Variants in HOXA3 observed in about 807,000 individuals in gnomAD.
The protein encoded by HOXA3 is homeobox A3.
A neutral mutation model predicts 30.3 loss-of-function variants in HOXA3; 8 were observed. That is an observed-to-expected ratio of 0.26 (90% confidence interval 0.15 to 0.48). HOXA3 has a LOEUF of 0.48. Among genes scored for constraint, HOXA3 ranks in the 20% least tolerant of loss-of-function variants. The pLI is 0.99. For synonymous variants in HOXA3, 323 were observed against 273.1 expected, an observed-to-expected ratio of 1.18 and a Z score of -1.80; for missense variants, 653 against 614.4, an observed-to-expected ratio of 1.06 and a Z score of -0.66.
intron 2 of HOXA3, chr7:27,129,253 G>A (rs571546730): frequency 1.2e-6 from 2 of 1,602,746 alleles, no homozygotes; most frequent in South Asian, 1.1e-5. Flanking sequence ...GGGTGTGGAG[G>A]TGCTCGGGTG....
chr7:27,115,955 T>C (rs1393347613), intron 4 of HOXA3: 1 of 152,702 alleles, frequency 6.5e-6, no homozygotes, highest in Non-Finnish European at 1.5e-5. Context: ...TAATAATTTA[T>C]GCTGGCGGAA....
At chr7:27,147,374 C>A (rs1285459613) in intron 1 of HOXA3, 2 of 1,614,208 alleles carry the variant, frequency 1.2e-6, no homozygotes, top group South Asian at 1.1e-5. Context: ...TCGGCGCCTT[C>A]GTCATGGAGT....
At chr7:27,147,878 G>C (rs1302814050) in intron 1 of HOXA3, 1 of 869,544 alleles carries the variant, frequency 1.2e-6, no homozygotes, top group Non-Finnish European at 1.7e-6. Flanking sequence ...AATCGCACCA[G>C]CTGACGCGGC....
At chr7:27,148,997 G>T (rs1479497564) in intron 1 of HOXA3, among the ~76,000 whole-genome samples, 1 of 152,230 alleles carries the variant, frequency 6.6e-6, no homozygotes, top group Non-Finnish European at 1.5e-5. Context: ...CGCAGGGAGG[G>T]CTGCCGCCCC....
At chr7:27,121,214 TGTGTGC>T (rs1554337532) in intron 4 of HOXA3, 1,506 of 89,502 alleles carry the variant, frequency 0.017, 16 homozygotes, top group African/African-American at 0.04. Flanking sequence ...CTTAGCCCAC[TGTGTGC>T]GTGTGTGTGT....
intron 4 of HOXA3, chr7:27,116,220 C>T (rs561319563): frequency 4.6e-4 from 70 of 152,802 alleles, no homozygotes; most frequent in African/African-American, 1.7e-3. Flanking sequence ...ATTTTCTCAG[C>T]ACTAGAAGAA....
At chr7:27,110,783 G>T in intron 4 of HOXA3, 23 bp from the exon 5 acceptor site, 2 of 1,251,516 alleles carry the variant, frequency 1.6e-6, no homozygotes, top group East Asian at 2.4e-5. Context: ...GAAGCGCAGC[G>T]CGGTGAGGGC....
chr7:27,145,652 A>C (rs774940325), intron 1 of HOXA3: 11 of 1,611,846 alleles, frequency 6.8e-6, no homozygotes, highest in African/African-American at 1.3e-5. Flanking sequence ...GTCCCTGCCC[A>C]GGCATCTACT....
chr7:27,131,054 G>T (rs939109375), intron 2 of HOXA3, among the ~76,000 whole-genome samples: 4 of 152,154 alleles, frequency 2.6e-5, no homozygotes, highest in Admixed American at 1.3e-4. Context: ...TGGGCTGGGG[G>T]AGGGAGCAGG....
rs1434633395 is a variant in HOXA3 at position 27,108,932 on chromosome 7, C to CG, written c.527-213dup. ...GCCAAGGAGCAAATCACAGCCTTCT[C>CG]GGGGGAAAGGACAGAGAAGTAGAAC... On this transcript the variant is annotated intron_variant, in intron 5 of 5. Transcript: ENST00000612286. This position sits in a 1 kb window ranked among gnomAD's most constrained non-coding sequence, Gnocchi z 5.0. Among the ~76,000 whole-genome samples the CG allele has an allele frequency of 6.6e-6, 1 of 152,048 alleles. No homozygotes were observed. Among genetic ancestry groups the CG allele is most frequent in the South Asian group, 2.1e-4 (1 of 4,812 alleles).
At chr7:27,116,461 G>C (rs953485542) in intron 4 of HOXA3, 3 of 152,412 alleles carry the variant, frequency 2.0e-5, no homozygotes, top group African/African-American at 4.8e-5. Flanking sequence ...AAGGGGACTA[G>C]CCTTTTTTGA....
intron 1 of HOXA3, chr7:27,145,448 T>TTTGGG: frequency 5.9e-5 from 2 of 33,796 alleles, no homozygotes; most frequent in Non-Finnish European, 9.3e-5. Flanking sequence ...GTGTGTGAGG[T>TTTGGG]TTTGTTTTGT....
chr7:27,129,321 G>A (rs1406152635), intron 2 of HOXA3: 5 of 1,614,100 alleles, frequency 3.1e-6, no homozygotes, highest in East Asian at 2.2e-5. Flanking sequence ...GGCCGGCAGA[G>A]GCCGAGGCCG....
chr7:27,147,476 C>T (rs770732024), intron 1 of HOXA3: 2 of 1,614,126 alleles, frequency 1.2e-6, no homozygotes, highest in Non-Finnish European at 1.7e-6. Context: ...TTGCCACTGC[C>T]CGAGGGCGAG....
At chr7:27,124,228 G>GT (rs2128051328) in intron 3 of HOXA3, 1 of 152,380 alleles carries the variant, frequency 6.6e-6, no homozygotes, top group Non-Finnish European at 1.5e-5. Context: ...CTCTCTCCGC[G>GT]TTTTTGGCGC....
In HOXA3 at chr7:27,132,022, C is replaced by T. The variant is rs1039623377; in HGVS notation, c.-389-4952G>A. ...TACGCCATTATTAACAAATAAATTA[C>T]TTATTAATTCCACCTAATGTTGATC... On this transcript the variant is annotated intron_variant, in intron 2 of 5. Coordinates refer to ENST00000612286, the MANE Select transcript of HOXA3 (RefSeq NM_153631.3). Among the ~76,000 whole-genome samples the T allele has an allele frequency of 3.3e-5, 5 of 152,308 alleles. 1 individual carries two copies. Among genetic ancestry groups the T allele is most frequent in the African/African-American group, 1.2e-4 (5 of 41,568 alleles).
rs770373490 is a variant in HOXA3, at chr7:27,147,686, A to G, written c.-494+4602T>C. The G allele has an allele frequency of 2.5e-5, 40 of 1,613,740 alleles. 1 individual carries two copies. In the Admixed American group the frequency reaches 6.2e-4, roughly 25 times the overall value. On this transcript the variant is annotated intron_variant, in intron 1 of 5. Transcript: ENST00000612286. The stretch of plus-strand genomic sequence containing the variant: ...GCCTGGTAGAGGGGCAGCTGGCCCA[A>G]GAAGGAGTCCTGGCCGCTGGGAAGG...
intron 4 of HOXA3, among the ~76,000 whole-genome samples, chr7:27,119,987 G>T (rs983008374): frequency 2.0e-5 from 3 of 152,072 alleles, no homozygotes; most frequent in African/African-American, 4.8e-5. Flanking sequence ...AGGTTTGGGG[G>T]ATAGAGGACA....
intron 4 of HOXA3, among the ~76,000 whole-genome samples, chr7:27,111,482 T>TTG (rs1448314579): frequency 1.5e-5 from 1 of 65,534 alleles, no homozygotes; most frequent in African/African-American, 7.3e-5. Flanking sequence ...GTGGAACACA[T>TTG]TGCGTGTGTG....
Sources: allele counts gnomAD v4.1 joint callset (sites outside exome capture counted in the v4.1 genomes callset), GRCh38; gene constraint gnomAD v4.1.1; non-coding constraint Gnocchi (gnomAD v3.1); transcripts MANE v1.5; gene names NCBI Gene and HGNC (gene_info 2026-07-23, HGNC 2026-07-21).